KLHL36: variants seen among roughly 807,000 people sequenced by gnomAD.
The protein encoded by KLHL36 is kelch like family member 36.
KLHL36 carries 35 observed loss-of-function variants against 53.3 expected under a neutral mutation model. The ratio of observed to expected loss-of-function variants is 0.66; its 90% CI spans 0.50 to 0.87. The LOEUF (loss-of-function observed/expected upper bound fraction) is 0.87, where lower values mean the gene tolerates loss of function less well. Ranked by LOEUF, KLHL36 falls within the 40% of genes least tolerant of loss-of-function variation. The pLI is 0.00. For missense variants in KLHL36, 864 were observed against 897.6 expected, an observed-to-expected ratio of 0.96 and a Z score of 0.48; for synonymous variants, 472 against 398.9, an observed-to-expected ratio of 1.18 and a Z score of -2.18.
At chr16:84,653,840 CAAAAAAAA>C (rs67608719) in intron 2 of KLHL36, among the ~76,000 whole-genome samples, 13 of 111,798 alleles carry the variant, frequency 1.2e-4, no homozygotes, top group Non-Finnish European at 2.0e-4. Context: ...GCTCTGTATC[CAAAAAAAA>C]AAAAAAAAAA....
rs114236777 is a variant in KLHL36, at chr16:84,661,065, G to C, written c.1296-513G>C. Among the ~76,000 whole-genome samples, 2,839 of 152,228 alleles carry C rather than the reference G, an allele frequency of 0.019. 95 individuals are homozygous for C. The highest frequency in any genetic ancestry group is 0.064 in the African/African-American group (2,675 of 41,522). Reference sequence around the variant, plus strand: ...CGCAGAATCATTTCACTGCCCTAAAGCCCACTGTGTGCGTGCTGTCCATCC... The same window carrying C: ...CGCAGAATCATTTCACTGCCCTAAACCCCACTGTGTGCGTGCTGTCCATCC... On this transcript the variant is annotated intron_variant, in intron 4 of 4. Transcript: ENST00000564996. The surrounding 1 kb of genome is among the most constrained non-coding windows in gnomAD (Gnocchi z 7.9).
chr16:84,654,575 CTAGTTTTGTT>C lies in KLHL36; in HGVS notation c.64-2294_64-2285del, dbSNP rs1251012892. ...GCTGAAGTGGAGGGATTGCTTGAGA[CTAGTTTTGTT>C]TTGTTTTGTTTTGTTTTGTTTTGTT... On this transcript the variant is annotated intron_variant, in intron 2 of 4. Coordinates refer to ENST00000564996, the MANE Select transcript of KLHL36 (RefSeq NM_024731.4). Among the ~76,000 whole-genome samples the C allele has an allele frequency of 7.5e-3, 1,083 of 143,928 alleles. 18 individuals carry two copies. The highest frequency in any genetic ancestry group is 0.023 in the African/African-American group (906 of 38,600). 94.4% of individuals were successfully genotyped at this position (143,928 alleles called of 152,430 possible).
rs1040813899 is a variant in KLHL36 at position 84,661,484 on chromosome 16, G to T, written c.1296-94G>T. ...CTCCCTATATTCTTAAATCCTCATGGCCCTCTAAGACGGCAGGCTGTTCCC... is the reference window on the plus strand; with the variant it reads ...CTCCCTATATTCTTAAATCCTCATGTCCCTCTAAGACGGCAGGCTGTTCCC... On this transcript the variant is annotated intron_variant, in intron 4 of 4. Transcript: ENST00000564996. The surrounding 1 kb of genome is among the most constrained non-coding windows in gnomAD (Gnocchi z 7.9). The T allele has an allele frequency of 2.1e-5, 26 of 1,245,378 alleles. No homozygotes were observed. The highest frequency in any genetic ancestry group is 2.2e-6 in the Non-Finnish European group (2 of 894,842). 77.1% of individuals were successfully genotyped at this position (1,245,378 alleles called of 1,614,324 possible).
At position 84,657,318 on chromosome 16, in the gene KLHL36, A is replaced by C. The variant is rs777300951; in HGVS notation, c.511A>C (p.Ile171Leu). Reference sequence around the variant, plus strand: ...GCTTGATGCCTTCATCGATGGCTTCATCCTGAACCACTTCGGCACGCTGTC... The same window carrying C: ...GCTTGATGCCTTCATCGATGGCTTCCTCCTGAACCACTTCGGCACGCTGTC... ...KRLDAFIDGFILNHFGTLSFT... is the reference protein window; with the variant it reads ...KRLDAFIDGFLLNHFGTLSFT... The change falls in exon 3 of 5, where the codon ATC (isoleucine) becomes CTC (leucine). Residue 171 changes from isoleucine (I) to leucine (L), a missense_variant. Physicochemically the swap from Ile to Leu is conservative, Grantham distance 5. Coordinates refer to ENST00000564996, the MANE Select transcript of KLHL36 (RefSeq NM_024731.4). The C allele has an allele frequency of 6.2e-7, 1 of 1,613,768 alleles. No individual in the cohort carries two copies. The highest frequency in any genetic ancestry group is 1.1e-5 in the South Asian group (1 of 91,086).
chr16:84,666,119 A>T lies in KLHL36; in HGVS notation c.*3986A>T, dbSNP rs1907821180. On this transcript the variant is annotated 3_prime_UTR_variant, in exon 5 of 5. Transcript: ENST00000564996. ...TGGAGTATAGGGCAGCGCCACGGGC[A>T]CTTGGAGACCCTGTCCTGCGCATCT... 1 of 152,210 alleles carries T rather than the reference A, an allele frequency of 6.6e-6. No individual in the cohort carries two copies. Among genetic ancestry groups the T allele is most frequent in the Non-Finnish European group, 1.5e-5 (1 of 68,034 alleles). The allele number at this position is 152,210 out of a possible 1,614,324, so 9.4% of individuals were successfully genotyped here. A position where few individuals can be genotyped will look rare whatever the true frequency, so the allele number is the denominator to read the frequency against.
At chr16:84,656,207 T>G (rs2150723273) in intron 2 of KLHL36, among the ~76,000 whole-genome samples, 1 of 151,994 alleles carries the variant, frequency 6.6e-6, no homozygotes, top group East Asian at 1.9e-4. Context: ...AATTGTTGTG[T>G]TGTTTGGTTT....
rs1166485630 is a variant in KLHL36, at chr16:84,663,976, G to T, written c.*1843G>T. On this transcript the variant is annotated 3_prime_UTR_variant, in exon 5 of 5. Coordinates refer to ENST00000564996, the MANE Select transcript of KLHL36 (RefSeq NM_024731.4). The stretch of plus-strand genomic sequence containing the variant: ...GGCTTACAAACTGTTGAGAGGTTCT[G>T]CGAGGCATACAAACAAACAGACCAA... The T allele has an allele frequency of 6.6e-6, 1 of 152,180 alleles. No homozygotes were observed. The highest frequency in any genetic ancestry group is 1.5e-5 in the Non-Finnish European group (1 of 68,044). The allele number at this position is 152,180 out of a possible 1,614,324, so 9.4% of individuals were successfully genotyped here. A position where few individuals can be genotyped will look rare whatever the true frequency, so the allele number is the denominator to read the frequency against.
At position 84,664,459 on chromosome 16, in the gene KLHL36, C is replaced by T. The variant is rs1429992604; in HGVS notation, c.*2326C>T. The stretch of plus-strand genomic sequence containing the variant: ...GGACTTGTCCCTGGAAATGTGTGAG[C>T]TTCTGGCCTCTATTCTGATTTTCTT... On this transcript the variant is annotated 3_prime_UTR_variant, in exon 5 of 5. Transcript: ENST00000564996. 6.6e-6 allele frequency: 1 copy of T among 152,208 alleles called. No homozygotes were observed. Among genetic ancestry groups the T allele is most frequent in the Non-Finnish European group, 1.5e-5 (1 of 68,060 alleles). 9.4% of individuals were successfully genotyped at this position (152,208 alleles called of 1,614,324 possible).
intron 2 of KLHL36, among the ~76,000 whole-genome samples, chr16:84,656,493 C>T (rs1204130761): frequency 6.6e-6 from 1 of 151,492 alleles, no homozygotes; most frequent in South Asian, 2.1e-4. Context: ...TGCTCTCAAA[C>T]TCCAGTAGCC....
chr16:84,659,986 C>T, intron 4 of KLHL36, 69 bp downstream of exon 4: 10 of 1,440,622 alleles, frequency 6.9e-6, no homozygotes, highest in Non-Finnish European at 9.5e-6. Flanking sequence ...AGTCCACGTG[C>T]CTCACTTTCT....
chr16:84,661,523 G>T lies in KLHL36; in HGVS notation c.1296-55G>T. ...CAGGCTGTTCCCCGGCTCGGAGGGG[G>T]TAAGCCTGGCACAGCCCTGAGCTCT... On this transcript the variant is annotated intron_variant, in intron 4 of 4. Transcript: ENST00000564996. The surrounding 1 kb of genome is among the most constrained non-coding windows in gnomAD (Gnocchi z 7.9). 2 of 1,512,788 alleles carry T rather than the reference G, an allele frequency of 1.3e-6. No homozygotes were observed. Among genetic ancestry groups the T allele is most frequent in the East Asian group, 2.3e-5 (1 of 43,898 alleles). 93.7% of individuals were successfully genotyped at this position (1,512,788 alleles called of 1,614,324 possible).
rs1438161985 is a variant in KLHL36 at position 84,664,421 on chromosome 16, T to A, written c.*2288T>A. Reference sequence around the variant, plus strand: ...TTTTCAGCCTAAGCCAGCTCTTTTATGTTTTGCTTCTGGGACTTGTCCCTG... The same window carrying A: ...TTTTCAGCCTAAGCCAGCTCTTTTAAGTTTTGCTTCTGGGACTTGTCCCTG... On this transcript the variant is annotated 3_prime_UTR_variant, in exon 5 of 5. Transcript: ENST00000564996. 1 of 152,214 alleles carries A rather than the reference T, an allele frequency of 6.6e-6. No individual in the cohort carries two copies. The highest frequency in any genetic ancestry group is 1.5e-5 in the Non-Finnish European group (1 of 68,054). 9.4% of individuals were successfully genotyped at this position (152,214 alleles called of 1,614,324 possible).
rs1267292863 is a variant in KLHL36, at chr16:84,657,020, C to A, written c.213C>A (p.Phe71Leu). Reference protein sequence around the residue: ...RNLLAVCSDYFNSMFTIGMRE... With the variant: ...RNLLAVCSDYLNSMFTIGMRE... ...TGCTGGCCGTGTGCAGCGACTACTT[C>A]AACTCCATGTTCACCATCGGCATGC... The change falls in exon 3 of 5, where the codon TTC (phenylalanine) becomes TTA (leucine). Residue 71 changes from phenylalanine to leucine, a missense_variant. By Grantham distance (22) the Phe-to-Leu change is conservative. Coordinates refer to ENST00000564996, the MANE Select transcript of KLHL36 (RefSeq NM_024731.4). 6.2e-7 allele frequency: 1 copy of A among 1,614,202 alleles called. No homozygotes were observed.
At position 84,657,091 on chromosome 16, in the gene KLHL36, T is replaced by C. The variant is rs1217078646; in HGVS notation, c.284T>C (p.Ile95Thr). ...GTGGAGCTGATCGGCGCCTCCTACATTGGGCTCAAGGCCGTGGTGGACTTC... is the reference window on the plus strand; with the variant it reads ...GTGGAGCTGATCGGCGCCTCCTACACTGGGCTCAAGGCCGTGGTGGACTTC... ...KEVELIGASY[I>T]GLKAVVDFLY... The change falls in exon 3 of 5, where the codon ATT becomes ACT. Residue 95 changes from isoleucine to threonine, a missense_variant. Coordinates refer to ENST00000564996, the MANE Select transcript of KLHL36 (RefSeq NM_024731.4). The C allele has an allele frequency of 2.5e-6, 4 of 1,614,188 alleles. No homozygotes were observed. The highest frequency in any genetic ancestry group is 1.7e-5 in the Admixed American group (1 of 60,026).
At chr16:84,652,768 C>T (rs923799991) in intron 2 of KLHL36, among the ~76,000 whole-genome samples, 5 of 152,170 alleles carry the variant, frequency 3.3e-5, no homozygotes, top group Admixed American at 6.5e-5. Context: ...GATCCGAGGT[C>T]GGGTACTCTT....
rs1906829345 is a variant in KLHL36 at position 84,650,847 on chromosome 16, C to T, written c.-16-5C>T. On this transcript the variant is annotated splice_polypyrimidine_tract_variant and splice_region_variant and intron_variant, in intron 1 of 4. Transcript: ENST00000564996. ...GCATGCTCAGAAATCCTGTTCTTCT[C>T]CTAGGGCTGAAATCTCTTTAATGAT... The T allele has an allele frequency of 1.2e-6, 2 of 1,607,412 alleles. No individual in the cohort carries two copies. The highest frequency in any genetic ancestry group is 1.3e-5 in the African/African-American group (1 of 74,612).
At chr16:84,654,850 C>T (rs1383748086) in intron 2 of KLHL36, among the ~76,000 whole-genome samples, 2 of 152,110 alleles carry the variant, frequency 1.3e-5, no homozygotes, top group African/African-American at 2.4e-5. Context: ...CCTCAGGTGA[C>T]CTGCCCACCT....
intron 2 of KLHL36, among the ~76,000 whole-genome samples, chr16:84,652,053 G>T (rs1313296282): frequency 6.6e-6 from 1 of 152,160 alleles, no homozygotes; most frequent in East Asian, 1.9e-4. Context: ...CCCCAAGAAG[G>T]TTCCTGCCAA....
intron 3 of KLHL36, 129 bp from the exon 4 acceptor site, chr16:84,659,631 G>A: frequency 1.1e-6 from 1 of 950,050 alleles, no homozygotes; most frequent in African/African-American, 1.6e-5. Flanking sequence ...CTTTATTCAG[G>A]TGCAGTTCCC....
Sources: allele counts gnomAD v4.1 joint callset (sites outside exome capture counted in the v4.1 genomes callset), GRCh38; gene constraint gnomAD v4.1.1; non-coding constraint Gnocchi (gnomAD v3.1); transcripts MANE v1.5; gene names NCBI Gene and HGNC (gene_info 2026-07-23, HGNC 2026-07-21).